Variants in LMF1 observed in about 807,000 individuals in gnomAD.
The protein encoded by LMF1 is lipase maturation factor 1.
A neutral mutation model predicts 60.6 loss-of-function variants in LMF1; 68 were observed. That is an observed-to-expected ratio of 1.12 (90% CI 0.92 to 1.37). LMF1 has a LOEUF of 1.37. Ranked by LOEUF, LMF1 falls within the 40% of genes most tolerant of loss-of-function variation. The probability of loss-of-function intolerance (pLI) is 0.00; values close to 1 mark genes in which losing one functional copy is unlikely to be tolerated. For synonymous variants in LMF1, 418 were observed against 324.7 expected (o/e 1.29, Z -3.09); for missense variants, 948 against 767.2 (o/e 1.24, Z -2.78).
intron 1 of LMF1, among the ~76,000 whole-genome samples, chr16:967,469 G>A (rs1433752276): frequency 6.6e-6 from 1 of 152,210 alleles, no homozygotes. Flanking sequence ...GACAGCAGCA[G>A]GCCTGACTGC....
At chr16:974,614 G>A (rs2073101188), upstream of LMF1, among the ~76,000 whole-genome samples, 1 of 152,198 alleles carries the variant, frequency 6.6e-6, no homozygotes, top group African/African-American at 2.4e-5. Flanking sequence ...TGCCCTAGGT[G>A]GGACCCTGTC....
intron 5 of LMF1, among the ~76,000 whole-genome samples, chr16:892,226 C>T (rs967043931): frequency 4.6e-5 from 7 of 152,230 alleles, no homozygotes; most frequent in African/African-American, 1.7e-4. Flanking sequence ...CGGCAGCAGG[C>T]AGACGATGAT....
chr16:902,692 G>A (rs2070850906), intron 4 of LMF1: 2 of 153,628 alleles, frequency 1.3e-5, no homozygotes, highest in South Asian at 1.7e-4. Context: ...CTGTGGGGAC[G>A]CCCGTCTCTG....
chr16:859,240 G>T, intron 10 of LMF1, among the ~76,000 whole-genome samples: 1 of 129,774 alleles, frequency 7.7e-6, no homozygotes. Flanking sequence ...GTCACGGGAC[G>T]GGTGTGCAGT....
chr16:953,911 ACCCACCCCAAAC>A (rs2072575858), intron 2 of LMF1, among the ~76,000 whole-genome samples: 1 of 99,776 alleles, frequency 1.0e-5, no homozygotes, highest in Non-Finnish European at 2.1e-5. Context: ...CCACACAGAC[ACCCACCCCAAAC>A]CAGCTTCCTA....
chr16:859,296 T>C (rs1252276344), intron 10 of LMF1, among the ~76,000 whole-genome samples: 1 of 43,278 alleles, frequency 2.3e-5, no homozygotes, highest in East Asian at 5.9e-4. Flanking sequence ...CGGGTGTGAG[T>C]GGTGTCTCGG....
chr16:886,573 C>T (rs1282137292), intron 5 of LMF1, among the ~76,000 whole-genome samples: 2 of 108,364 alleles, frequency 1.8e-5, no homozygotes, highest in Non-Finnish European at 3.7e-5. Flanking sequence ...ACCCTAGGCC[C>T]CCGGCGTTCC....
chr16:865,053 G>A (rs960245368), intron 10 of LMF1, among the ~76,000 whole-genome samples: 4 of 152,062 alleles, frequency 2.6e-5, no homozygotes, highest in Admixed American at 1.3e-4. Context: ...GGTTATGTAA[G>A]TGTTTTAGAA....
chr16:924,234 G>A (rs189647630), intron 3 of LMF1, among the ~76,000 whole-genome samples: 5 of 152,272 alleles, frequency 3.3e-5, no homozygotes, highest in Middle Eastern at 3.4e-3. Context: ...CGTGGTATGC[G>A]AAGAATAACC....
At chr16:918,836 A>AACCCGACTCTCACACGGGGCCGGCG (rs1567237661) in intron 3 of LMF1, among the ~76,000 whole-genome samples, 3 of 136,134 alleles carry the variant, frequency 2.2e-5, no homozygotes, top group South Asian at 2.5e-4. Context: ...CGGGGCCGGC[A>AACCCGACTCTCACACGGGGCCGGCG]TCCCGGGGCG....
intron 3 of LMF1, among the ~76,000 whole-genome samples, chr16:925,451 C>T (rs1438497433): frequency 2.0e-5 from 3 of 152,186 alleles, no homozygotes; most frequent in East Asian, 3.9e-4. Flanking sequence ...TCTGGGAGGG[C>T]GTGGTGGCTC....
rs753472646 is a variant in LMF1 at position 954,664 on chromosome 16, C to T, written c.196G>A (p.Val66Met). 7.6e-6 allele frequency: 12 copies of T among 1,585,262 alleles called. No individual in the cohort carries two copies. Among genetic ancestry groups the T allele is most frequent in the Admixed American group, 3.5e-5 (2 of 57,056 alleles). Residue 66 changes from valine (V) to methionine (M), a missense_variant and splice_region_variant, in exon 2 of 11, where the codon GTG becomes ATG. Transcript: ENST00000262301. ...TGATGGAAAGCCACCAGGAATGCCACGACTGGAAGAAAAAGAAGACAAAAC... is the reference window on the plus strand; with the variant it reads ...TGATGGAAAGCCACCAGGAATGCCATGACTGGAAGAAAAAGAAGACAAAAC... The part of the protein sequence containing the change: ...LLKALAFVYF[V>M]AFLVAFHQNK...
chr16:858,934 G>C lies in LMF1; in HGVS notation c.1530-4228C>G, dbSNP rs867022312. 4.5e-4 allele frequency among the ~76,000 whole-genome samples: 36 copies of C among 80,122 alleles called. 1 individual carries two copies. Among genetic ancestry groups the C allele is most frequent in the African/African-American group, 1.9e-3 (28 of 14,616 alleles). 52.6% of individuals were successfully genotyped at this position (80,122 alleles called of 152,430 possible). Reference sequence around the variant, plus strand: ...GGGTGTGCAGTGGTGTCACGGGACGGGTGTGCAGTGGTGTCACGGGACGGG... The same window carrying C: ...GGGTGTGCAGTGGTGTCACGGGACGCGTGTGCAGTGGTGTCACGGGACGGG... On this transcript the variant is annotated intron_variant, in intron 10 of 10. Coordinates refer to ENST00000262301, the MANE Select transcript of LMF1 (RefSeq NM_022773.4).
chr16:954,787 T>A, intron 1 of LMF1, 121 bp from the exon 2 acceptor site: 1 of 900,142 alleles, frequency 1.1e-6, no homozygotes. Context: ...TGGCTGACGG[T>A]TTGGGGCCAA....
intron 2 of LMF1, among the ~76,000 whole-genome samples, chr16:948,073 T>C (rs515282): frequency 2.2e-5 from 2 of 91,946 alleles, no homozygotes; most frequent in African/African-American, 4.6e-5. Flanking sequence ...ACGACAGACT[T>C]AGAGACAACG....
chr16:948,039 G>C, intron 2 of LMF1, among the ~76,000 whole-genome samples: 1 of 132,842 alleles, frequency 7.5e-6, no homozygotes, highest in African/African-American at 2.8e-5. Context: ...CAACGACAGA[G>C]TCAGCCAATG....
intron 2 of LMF1, among the ~76,000 whole-genome samples, chr16:941,753 G>GCTAA (rs1301955167): frequency 6.6e-6 from 1 of 152,166 alleles, no homozygotes; most frequent in Non-Finnish European, 1.5e-5. Context: ...TTGCCCTAGG[G>GCTAA]CTAACAGCAG....
chr16:975,935 A>G (rs774427479), upstream of LMF1: 1 of 399,660 alleles, frequency 2.5e-6, no homozygotes, highest in South Asian at 1.6e-5. Flanking sequence ...TATACTTGAA[A>G]TGGGGCTCGG....
Position 936,845 on chromosome 16 carries a change from G to A in LMF1, c.504-2591C>T, listed in dbSNP as rs570506022. Among the ~76,000 whole-genome samples the A allele has an allele frequency of 1.3e-4, 20 of 152,342 alleles. No homozygotes were observed. The South Asian group carries it at 2.9e-3, about 22-fold the overall frequency. ...TAGCCAGGTGTGGTGGCGCACACCT[G>A]TAGTCCCAGTGACCTTGGGGCCGAG... On this transcript the variant is annotated intron_variant, in intron 2 of 10. Coordinates refer to ENST00000262301, the MANE Select transcript of LMF1 (RefSeq NM_022773.4).
Sources: allele counts gnomAD v4.1 joint callset (sites outside exome capture counted in the v4.1 genomes callset), GRCh38; gene constraint gnomAD v4.1.1; transcripts MANE v1.5; gene names NCBI Gene and HGNC (gene_info 2026-07-23, HGNC 2026-07-21).